USP47: variants seen among roughly 807,000 people sequenced by gnomAD.
The protein encoded by USP47 is ubiquitin carboxyl-terminal hydrolase 47.
Under a neutral mutation model 165.1 loss-of-function variants are expected in USP47, and 35 were observed. The observed-to-expected ratio is 0.21, with a 90% confidence interval of 0.16 to 0.28. USP47 has a LOEUF of 0.28. USP47 is among the 10% of genes least tolerant of loss of function. The pLI is 1.00. For missense variants in USP47, 1,277 were observed against 1,607.4 expected (o/e 0.79, Z 3.52); for synonymous variants, 531 against 544.5 (o/e 0.98, Z 0.35).
chr11:11,956,244 G>A lies in USP47; in HGVS notation c.*69G>A. ...TTAGATGGTTCACTACCACTGGGTAGTGCCATTTTGGCCGGACATGGTTGG... is the reference window on the plus strand; with the variant it reads ...TTAGATGGTTCACTACCACTGGGTAATGCCATTTTGGCCGGACATGGTTGG... On this transcript the variant is annotated 3_prime_UTR_variant, in exon 28 of 28. Transcript: ENST00000527733. The A allele has an allele frequency of 1.3e-6, 2 of 1,575,456 alleles. No homozygotes were observed. The highest frequency in any genetic ancestry group is 1.4e-5 in the African/African-American group (1 of 73,742).
intron 1 of USP47, among the ~76,000 whole-genome samples, chr11:11,872,089 A>T (rs1850106836): frequency 6.6e-6 from 1 of 152,144 alleles, no homozygotes; most frequent in Non-Finnish European, 1.5e-5. Flanking sequence ...TTAGGCTGAA[A>T]CAGCTTGTTT....
chr11:11,886,941 G>T (rs1334678019), intron 3 of USP47, among the ~76,000 whole-genome samples: 2 of 152,160 alleles, frequency 1.3e-5, no homozygotes, highest in Non-Finnish European at 2.9e-5. Context: ...CATTCTTAAA[G>T]AAAGGAATTT....
At chr11:11,955,423 T>G (rs978905450) in intron 27 of USP47, among the ~76,000 whole-genome samples, 4 of 152,228 alleles carry the variant, frequency 2.6e-5, no homozygotes, top group Non-Finnish European at 5.9e-5. Context: ...ATGTCATCAG[T>G]ATAAAAAATC....
At chr11:11,885,022 C>A (rs1851063734) in intron 3 of USP47, among the ~76,000 whole-genome samples, 1 of 152,152 alleles carries the variant, frequency 6.6e-6, no homozygotes, top group African/African-American at 2.4e-5. Context: ...AACCTGCCAC[C>A]TTTTTTGGAA....
intron 1 of USP47, among the ~76,000 whole-genome samples, chr11:11,866,498 C>T (rs1033540717): frequency 6.6e-6 from 1 of 152,044 alleles, no homozygotes; most frequent in Admixed American, 6.6e-5. Context: ...GGAAAGTTGT[C>T]GTGGTGATGA....
chr11:11,938,304 G>C lies in USP47; in HGVS notation c.2125G>C (p.Ala709Pro). The change falls in exon 18 of 28, where the codon GCT becomes CCT. Residue 709 changes from alanine (A) to proline (P), a missense_variant. Physicochemically the swap from Ala to Pro is conservative, Grantham distance 27. Around this residue, in one of 4 missense-constraint regions of USP47, gnomAD observed 909 missense variants for 1,068.1 expected, o/e 0.85. Transcript: ENST00000527733. Reference protein sequence around the residue: ...HVVDLKAESVAAPITVRAYLN... With the variant: ...HVVDLKAESVPAPITVRAYLN... ...TGTTGATCTAAAGGCAGAATCTGTA[G>C]CTGCTCCTATAACTGTTCGTGCTTA... is the stretch of plus-strand genomic sequence containing the variant. 1 of 1,612,254 alleles carries C rather than the reference G, an allele frequency of 6.2e-7. No individual in the cohort carries two copies. Among genetic ancestry groups the C allele is most frequent in the South Asian group, 1.1e-5 (1 of 91,030 alleles).
At chr11:11,912,415 AAC>A in intron 8 of USP47, among the ~76,000 whole-genome samples, 1 of 152,230 alleles carries the variant, frequency 6.6e-6, no homozygotes, top group African/African-American at 2.4e-5. Context: ...GATCACAACA[AAC>A]AACTCTGCAC....
chr11:11,896,326 G>T (rs535081474), intron 4 of USP47, among the ~76,000 whole-genome samples: 20 of 151,476 alleles, frequency 1.3e-4, no homozygotes, highest in Non-Finnish European at 3.0e-4. Flanking sequence ...CACAAAGGAT[G>T]ATAGTAGTAT....
rs144744298 is a variant in USP47 at position 11,952,437 on chromosome 11, G to C, written c.3584-304G>C. 3.0e-4 allele frequency: 52 copies of C among 170,588 alleles called. No homozygotes were observed. The East Asian group carries it at 7.8e-3, about 26-fold the overall frequency. The allele number at this position is 170,588 out of a possible 1,614,324, so 10.6% of individuals were successfully genotyped here. A position where few individuals can be genotyped will look rare whatever the true frequency, so the allele number is the denominator to read the frequency against. ...TTAGATAGGGATAGGAGCCAATAGA[G>C]AAACAAAGATTGGAAATCCAGAGAA... On this transcript the variant is annotated intron_variant, in intron 24 of 27. Transcript: ENST00000527733.
chr11:11,959,965 T>A lies in USP47; in HGVS notation c.*3790T>A, dbSNP rs1281130337. On this transcript the variant is annotated 3_prime_UTR_variant, in exon 28 of 28. Coordinates refer to ENST00000527733, the MANE Select transcript of USP47 (RefSeq NM_001282659.2). ...CCTCTTTTATAATGCTTAAGTAACCTGCTTGAAGAGTATAATTTATGGAGA... is the reference window on the plus strand; with the variant it reads ...CCTCTTTTATAATGCTTAAGTAACCAGCTTGAAGAGTATAATTTATGGAGA... Among the ~76,000 whole-genome samples the A allele has an allele frequency of 6.6e-6, 1 of 152,206 alleles. No homozygotes were observed. The highest frequency in any genetic ancestry group is 1.5e-5 in the Non-Finnish European group (1 of 68,044).
chr11:11,860,426 C>T (rs1203481017), intron 1 of USP47, among the ~76,000 whole-genome samples: 1 of 152,062 alleles, frequency 6.6e-6, no homozygotes, highest in African/African-American at 2.4e-5. Flanking sequence ...TGTTCTTGTA[C>T]CATAGATCAC....
chr11:11,918,886 A>G (rs760951085), intron 8 of USP47, among the ~76,000 whole-genome samples: 1 of 151,982 alleles, frequency 6.6e-6, no homozygotes, highest in Non-Finnish European at 1.5e-5. Flanking sequence ...GTTAAGCTAT[A>G]GATGTAATTT....
intron 1 of USP47, among the ~76,000 whole-genome samples, chr11:11,874,306 T>A (rs2134263572): frequency 6.6e-6 from 1 of 152,304 alleles, no homozygotes; most frequent in Middle Eastern, 3.4e-3. Context: ...AATACTTGAT[T>A]TTCCTTCAGT....
chr11:11,947,149 A>G (rs1409019141), intron 20 of USP47, among the ~76,000 whole-genome samples: 1 of 152,226 alleles, frequency 6.6e-6, no homozygotes, highest in African/African-American at 2.4e-5. Context: ...ACCACAGTCA[A>G]TAGAAGCATT....
chr11:11,875,583 A>G (rs1850358165), intron 1 of USP47, among the ~76,000 whole-genome samples: 1 of 152,120 alleles, frequency 6.6e-6, no homozygotes, highest in African/African-American at 2.4e-5. Flanking sequence ...CCTTTTATAA[A>G]CAAGACTATG....
At chr11:11,940,623 C>T in intron 19 of USP47, 75 bp downstream of exon 19, 1 of 1,466,280 alleles carries the variant, frequency 6.8e-7, no homozygotes, top group Non-Finnish European at 9.4e-7. Flanking sequence ...TATTATAAGC[C>T]TGGCCTCCAC....
In USP47 at chr11:11,842,212, G is replaced by C; in HGVS notation, c.27G>C (p.Leu9=). 6.4e-7 allele frequency: 1 copy of C among 1,553,788 alleles called. No homozygotes were observed. Among genetic ancestry groups the C allele is most frequent in the Non-Finnish European group, 8.7e-7 (1 of 1,147,740 alleles). Residue 9 remains leucine (L), a synonymous_variant, in exon 1 of 28, where the codon CTG becomes CTC. Coordinates refer to ENST00000527733, the MANE Select transcript of USP47 (RefSeq NM_001282659.2). MVPGEENQ[L]VPKEIENAAE... ...TGGTGCCCGGCGAGGAGAACCAACT[G>C]GTCCCGAAAGAGGTGAGGGGCCCCA...
intron 8 of USP47, among the ~76,000 whole-genome samples, chr11:11,908,602 T>G (rs527969657): frequency 2.0e-5 from 3 of 151,344 alleles, no homozygotes; most frequent in Non-Finnish European, 3.0e-5. Flanking sequence ...TTTTTATGGG[T>G]TTTTTTTTAG....
chr11:11,922,349 T>C (rs564612635), intron 10 of USP47, among the ~76,000 whole-genome samples: 65 of 152,082 alleles, frequency 4.3e-4, no homozygotes, highest in African/African-American at 1.4e-3. Flanking sequence ...TTATATTCTT[T>C]CCTGATTTGA....
Sources: gnomAD v4.1 joint callset for allele counts (sites outside exome capture counted in the v4.1 genomes callset) on GRCh38, gnomAD v4.1.1 for gene constraint, gnomAD v4.1.1 regional missense constraint, MANE v1.5 for transcripts, NCBI Gene and HGNC (gene_info 2026-07-23, HGNC 2026-07-21) for gene names.